CBFA2T2: variants seen among roughly 807,000 people sequenced by gnomAD.
The protein encoded by CBFA2T2 is CBFA2/RUNX1 partner transcriptional co-repressor 2, also known as protein CBFA2T2.
A neutral mutation model predicts 62.2 loss-of-function variants in CBFA2T2; 11 were observed. The ratio of observed to expected loss-of-function variants is 0.18; its 90% CI spans 0.11 to 0.29. CBFA2T2 has a LOEUF of 0.29. Among genes scored for constraint, CBFA2T2 ranks in the 10% least tolerant of loss-of-function variants. The pLI is 1.00. For synonymous variants in CBFA2T2, 295 were observed against 287.5 expected (o/e 1.03, Z -0.27); for missense variants, 592 against 774.1 (o/e 0.76, Z 2.79).
chr20:33,557,494 G>C (rs1408235990), intron 1 of CBFA2T2, among the ~76,000 whole-genome samples: 1 of 151,514 alleles, frequency 6.6e-6, no homozygotes, highest in Admixed American at 6.6e-5. Context: ...GTGTGTTTGC[G>C]TGTGTATTTC....
intron 1 of CBFA2T2, among the ~76,000 whole-genome samples, chr20:33,497,453 T>A (rs886997499): frequency 1.3e-5 from 2 of 151,962 alleles, no homozygotes; most frequent in Admixed American, 6.6e-5. Context: ...CACATATTTC[T>A]TTCTAGTTCC....
intron 1 of CBFA2T2, among the ~76,000 whole-genome samples, chr20:33,493,883 T>G (rs2011167840): frequency 6.6e-6 from 1 of 152,074 alleles, no homozygotes; most frequent in Non-Finnish European, 1.5e-5. Flanking sequence ...TATTTTTTGT[T>G]TTTTTATGGT....
intron 1 of CBFA2T2, among the ~76,000 whole-genome samples, chr20:33,576,559 T>G (rs904908693): frequency 1.3e-5 from 2 of 152,252 alleles, no homozygotes; most frequent in Non-Finnish European, 2.9e-5. Context: ...CACCATCATA[T>G]CAGCATTTCA....
intron 1 of CBFA2T2, among the ~76,000 whole-genome samples, chr20:33,564,080 A>G (rs757738458): frequency 6.6e-6 from 1 of 152,108 alleles, no homozygotes; most frequent in Non-Finnish European, 1.5e-5. Context: ...GTGTATTACA[A>G]GTCACGCAAA....
At chr20:33,584,910 A>G (rs2014298337) in intron 1 of CBFA2T2, among the ~76,000 whole-genome samples, 1 of 152,158 alleles carries the variant, frequency 6.6e-6, no homozygotes, top group Non-Finnish European at 1.5e-5. Context: ...GATGCCTTTT[A>G]TCATATTACC....
At chr20:33,560,214 A>C (rs1273531376) in intron 1 of CBFA2T2, among the ~76,000 whole-genome samples, 1 of 152,134 alleles carries the variant, frequency 6.6e-6, no homozygotes, top group East Asian at 1.9e-4. Context: ...GTCTCTCCCC[A>C]TGTGGAAGGC....
intron 1 of CBFA2T2, among the ~76,000 whole-genome samples, chr20:33,595,435 C>T (rs1197948837): frequency 2.0e-5 from 3 of 152,298 alleles, no homozygotes; most frequent in African/African-American, 7.2e-5. Context: ...TGGTCTCGAT[C>T]TCTTGACCTT....
chr20:33,592,692 G>GA (rs1173414068), intron 1 of CBFA2T2, among the ~76,000 whole-genome samples: 1 of 150,808 alleles, frequency 6.6e-6, no homozygotes, highest in Non-Finnish European at 1.5e-5. Flanking sequence ...GTGTCTTCGA[G>GA]AAAAAAAATA....
chr20:33,623,101 C>T lies in CBFA2T2; in HGVS notation c.511-14C>T, dbSNP rs80119069. ...TAGGGCCTAACACTGGAAAAACTGCCTCTTCCTTTCAAGGCCAACCTGCCC... is the reference window on the plus strand; with the variant it reads ...TAGGGCCTAACACTGGAAAAACTGCTTCTTCCTTTCAAGGCCAACCTGCCC... On this transcript the variant is annotated splice_polypyrimidine_tract_variant and intron_variant, in intron 4 of 10. Transcript: ENST00000342704. The T allele has an allele frequency of 6.2e-7, 1 of 1,613,986 alleles. No individual in the cohort carries two copies. The highest frequency in any genetic ancestry group is 1.7e-5 in the Admixed American group (1 of 60,018).
At chr20:33,610,960 C>G (rs1437704228) in intron 2 of CBFA2T2, 134 bp from the exon 3 acceptor site, 2 of 1,015,526 alleles carry the variant, frequency 2.0e-6, no homozygotes, top group Non-Finnish European at 2.9e-6. Flanking sequence ...GAGGACAGAA[C>G]CAGTTTTGCA....
In CBFA2T2 at chr20:33,615,171, A is replaced by G. The variant is rs926811550; in HGVS notation, c.420+3836A>G. Among the ~76,000 whole-genome samples the G allele has an allele frequency of 6.5e-4, 99 of 152,138 alleles. 1 individual carries two copies. The highest frequency in any genetic ancestry group is 4.1e-4 in the South Asian group (2 of 4,820). On this transcript the variant is annotated intron_variant, in intron 3 of 10. Transcript: ENST00000342704. Reference sequence around the variant, plus strand: ...ACATAGACAGACCCCCATCTCTAAAAATAAAGGCCACATAATTTAGTAGCT... The same window carrying G: ...ACATAGACAGACCCCCATCTCTAAAGATAAAGGCCACATAATTTAGTAGCT...
chr20:33,587,624 C>T (rs1162991138), intron 1 of CBFA2T2, among the ~76,000 whole-genome samples: 8 of 152,096 alleles, frequency 5.3e-5, no homozygotes, highest in African/African-American at 1.9e-4. Flanking sequence ...TGGTCTCAAT[C>T]TCCTGACCTC....
chr20:33,567,749 AT>A (rs765205629), intron 1 of CBFA2T2, among the ~76,000 whole-genome samples: 44 of 150,964 alleles, frequency 2.9e-4, no homozygotes, highest in Non-Finnish European at 5.2e-4. Flanking sequence ...CGCCCAGTTA[AT>A]TTTTTGTATT....
intron 1 of CBFA2T2, among the ~76,000 whole-genome samples, chr20:33,560,970 CG>C (rs1268950813): frequency 6.6e-6 from 1 of 152,070 alleles, no homozygotes; most frequent in African/African-American, 2.4e-5. Flanking sequence ...CTCCACCTCC[CG>C]GGTTCAAGCA....
At chr20:33,635,174 G>T (rs1254577402) in intron 8 of CBFA2T2, among the ~76,000 whole-genome samples, 1 of 152,200 alleles carries the variant, frequency 6.6e-6, no homozygotes, top group Non-Finnish European at 1.5e-5. Flanking sequence ...TAGCATCATT[G>T]AAAGTTAGAA....
rs527768632 is a variant in CBFA2T2, at chr20:33,623,354, T to A, written c.692+58T>A. The A allele has an allele frequency of 5.8e-5, 91 of 1,582,170 alleles. 1 individual carries two copies. The South Asian group carries it at 9.5e-4, about 16-fold the overall frequency. On this transcript the variant is annotated intron_variant, in intron 5 of 10. Coordinates refer to ENST00000342704, the MANE Select transcript of CBFA2T2 (RefSeq NM_001032999.3). The stretch of plus-strand genomic sequence containing the variant: ...CTGGAACCGCACTGGTCCTCCCCTT[T>A]GCTTATAAAAGAGAGAGAATTTGAT...
chr20:33,562,158 G>A (rs1209156142), intron 1 of CBFA2T2, among the ~76,000 whole-genome samples: 5 of 152,120 alleles, frequency 3.3e-5, no homozygotes, highest in Non-Finnish European at 7.3e-5. Context: ...GTGTCTCTAC[G>A]TGTTATTCCA....
At chr20:33,520,277 G>A (rs918243415) in intron 1 of CBFA2T2, among the ~76,000 whole-genome samples, 1 of 152,154 alleles carries the variant, frequency 6.6e-6, no homozygotes, top group Non-Finnish European at 1.5e-5. Context: ...ATCAGTTAAC[G>A]CTCACTGAGG....
intron 1 of CBFA2T2, among the ~76,000 whole-genome samples, chr20:33,514,795 C>G (rs1027676634): frequency 2.0e-5 from 3 of 151,884 alleles, no homozygotes; most frequent in Admixed American, 6.6e-5. Flanking sequence ...CTCCTAGGTT[C>G]AAGTGATTCT....
Sources: gnomAD v4.1 joint callset for allele counts (sites outside exome capture counted in the v4.1 genomes callset) on GRCh38, gnomAD v4.1.1 for gene constraint, MANE v1.5 for transcripts, NCBI Gene and HGNC (gene_info 2026-07-23, HGNC 2026-07-21) for gene names.